ZNF420: variants seen among roughly 807,000 people sequenced by gnomAD.
The protein encoded by ZNF420 is zinc finger protein 420.
Under a neutral mutation model 44.7 loss-of-function variants are expected in ZNF420, and 31 were observed. The observed-to-expected ratio is 0.69, with a 90% confidence interval of 0.52 to 0.94. ZNF420 has a LOEUF of 0.94. Ranked by LOEUF, ZNF420 falls within the 40% of genes least tolerant of loss-of-function variation. ZNF420 has a pLI of 0.00. For synonymous variants in ZNF420, 245 were observed against 267.4 expected (o/e 0.92, Z 0.82); for missense variants, 681 against 827.9 (o/e 0.82, Z 2.18).
intron 1 of ZNF420, among the ~76,000 whole-genome samples, chr19:37,033,428 G>T (rs1967298480): frequency 6.6e-6 from 1 of 152,068 alleles, no homozygotes; most frequent in Admixed American, 6.5e-5. Context: ...AATATGACAT[G>T]CTCGATACCT....
chr19:37,049,405 A>G (rs999837881), intron 1 of ZNF420, among the ~76,000 whole-genome samples: 1 of 152,192 alleles, frequency 6.6e-6, no homozygotes. Context: ...AATGACCGCC[A>G]TTCTAACTGG....
intron 2 of ZNF420, among the ~76,000 whole-genome samples, chr19:37,081,114 A>C (rs1968429826): frequency 2.0e-5 from 3 of 151,282 alleles, no homozygotes; most frequent in South Asian, 4.2e-4. Flanking sequence ...TTCTACCTTC[A>C]GTTCAAAATC....
At chr19:37,026,402 C>T (rs1967160920) in intron 1 of ZNF420, among the ~76,000 whole-genome samples, 1 of 152,020 alleles carries the variant, frequency 6.6e-6, no homozygotes, top group African/African-American at 2.4e-5. Flanking sequence ...CTCACTGCAC[C>T]TCCGCCTCCT....
chr19:37,013,274 G>T (rs1403003874), intron 1 of ZNF420, among the ~76,000 whole-genome samples: 1 of 152,128 alleles, frequency 6.6e-6, no homozygotes, highest in Admixed American at 6.5e-5. Context: ...TTTTTTAAAG[G>T]GGCCACTGAC....
At chr19:37,094,285 G>A (rs1371128671) in intron 4 of ZNF420, among the ~76,000 whole-genome samples, 3 of 151,398 alleles carry the variant, frequency 2.0e-5, no homozygotes, top group African/African-American at 7.3e-5. Flanking sequence ...TTTATCTTAC[G>A]GGCTTAAAAA....
At chr19:37,110,401 T>C (rs1970326551) in intron 4 of ZNF420, among the ~76,000 whole-genome samples, 1 of 152,202 alleles carries the variant, frequency 6.6e-6, no homozygotes, top group South Asian at 2.1e-4. Flanking sequence ...CCTGCTGCAT[T>C]TGCATGAGCC....
chr19:37,113,915 A>G (rs1023677448), intron 4 of ZNF420, among the ~76,000 whole-genome samples: 13 of 152,160 alleles, frequency 8.5e-5, no homozygotes, highest in Non-Finnish European at 1.9e-4. Context: ...CATTTGGCCA[A>G]AATCTCCCAA....
chr19:37,042,299 C>T (rs1208421622), intron 1 of ZNF420, among the ~76,000 whole-genome samples: 1 of 152,174 alleles, frequency 6.6e-6, no homozygotes, highest in Non-Finnish European at 1.5e-5. Flanking sequence ...GCCTGGCCCT[C>T]CAGGGCCAAT....
chr19:37,096,902 CTTT>C (rs1320093092), intron 4 of ZNF420, among the ~76,000 whole-genome samples: 2 of 142,022 alleles, frequency 1.4e-5, no homozygotes, highest in Admixed American at 7.1e-5. Context: ...TTTTCTTATT[CTTT>C]TTTTTTTTTT....
chr19:37,077,066 G>A (rs887940789), upstream of ZNF420, among the ~76,000 whole-genome samples: 3 of 152,134 alleles, frequency 2.0e-5, no homozygotes, highest in Admixed American at 2.0e-4. Context: ...CCCTCTGAAG[G>A]AGTGGTGAAA....
intron 4 of ZNF420, among the ~76,000 whole-genome samples, chr19:37,125,941 T>G (rs1366155323): frequency 2.0e-5 from 3 of 152,162 alleles, no homozygotes; most frequent in African/African-American, 7.2e-5. Context: ...ATCCTCCAGT[T>G]ATTGTTGCCC....
intron 1 of ZNF420, among the ~76,000 whole-genome samples, chr19:37,015,743 A>G (rs1315890201): frequency 2.6e-5 from 4 of 152,166 alleles, no homozygotes; most frequent in African/African-American, 9.7e-5. Flanking sequence ...TGTCCACACC[A>G]TGGCCTGGTG....
intron 2 of ZNF420, among the ~76,000 whole-genome samples, chr19:37,085,364 T>C (rs2146507627): frequency 6.6e-6 from 1 of 152,366 alleles, no homozygotes; most frequent in African/African-American, 2.4e-5. Context: ...TCTGGTTTAT[T>C]TTGATGACCT....
chr19:37,122,085 C>T (rs1168025269), intron 4 of ZNF420, among the ~76,000 whole-genome samples: 3 of 152,174 alleles, frequency 2.0e-5, no homozygotes, highest in Non-Finnish European at 4.4e-5. Context: ...ACTAGAAATA[C>T]CATTTGACCC....
chr19:37,090,718 G>A (rs556925298), intron 3 of ZNF420, among the ~76,000 whole-genome samples: 5 of 151,920 alleles, frequency 3.3e-5, no homozygotes, highest in South Asian at 2.1e-4. Flanking sequence ...TCAGGAGTTC[G>A]AGACTAGCCT....
At chr19:37,057,747 C>T (rs908780576) in intron 1 of ZNF420, among the ~76,000 whole-genome samples, 1 of 152,058 alleles carries the variant, frequency 6.6e-6, no homozygotes, top group Non-Finnish European at 1.5e-5. Flanking sequence ...CCATCCTGAG[C>T]GGCTTTTCTA....
In ZNF420 at chr19:37,089,162, CT is replaced by C. The variant is rs1457035966; in HGVS notation, c.9+41del. The C allele has an allele frequency of 2.5e-6, 4 of 1,592,020 alleles. 1 individual carries two copies. In the South Asian group the frequency reaches 4.4e-5, roughly 18 times the overall value. ...AGTTTCCTTGTGCTCTTTTCACTTA[CT>C]TTTTTACAGAGCATGTGTGTGTTTG... On this transcript the variant is annotated intron_variant, in intron 3 of 4. Transcript: ENST00000337995.
At chr19:37,053,411 C>T (rs1035130757) in intron 1 of ZNF420, among the ~76,000 whole-genome samples, 3 of 152,238 alleles carry the variant, frequency 2.0e-5, no homozygotes, top group East Asian at 1.9e-4. Flanking sequence ...TGAGGAACTG[C>T]GTTCCTTGGA....
At chr19:37,074,477 T>TG (rs141279015), upstream of ZNF420, among the ~76,000 whole-genome samples, 2,236 of 152,188 alleles carry the variant, frequency 0.015, 24 homozygotes, top group African/African-American at 0.028. Flanking sequence ...AAAAACAGGC[T>TG]GGGGGAATGC....
Sources: allele counts gnomAD v4.1 joint callset (sites outside exome capture counted in the v4.1 genomes callset), GRCh38; gene constraint gnomAD v4.1.1; transcripts MANE v1.5; gene names NCBI Gene and HGNC (gene_info 2026-07-23, HGNC 2026-07-21).